The following ENTREP2 variants were observed in gnomAD, a reference collection of about 807,000 sequenced individuals.
ENTREP2 encodes the protein endosomal transmembrane epsin interactor 2.
At chr15:29,192,597 T>A in the ENTREP2 span, among the ~76,000 whole-genome samples, 2 of 152,046 alleles carry the variant, frequency 1.3e-5, no homozygotes, top group African/African-American at 4.8e-5. Context: ...AGATACCAGC[T>A]CTAGTGGAAA....
chr15:29,196,418 C>A, the ENTREP2 span: 1 of 1,549,642 alleles, frequency 6.5e-7, no homozygotes, highest in Non-Finnish European at 8.7e-7. Flanking sequence ...AAGCAGCGCC[C>A]AGCGGGGTCA....
At chr15:29,268,825 C>T in the ENTREP2 span, 1 of 1,613,726 alleles carries the variant, frequency 6.2e-7, no homozygotes. Flanking sequence ...AGGCTGAGGT[C>T]TGGCCCTGTT....
the ENTREP2 span, among the ~76,000 whole-genome samples, chr15:29,319,743 C>T: frequency 6.6e-6 from 1 of 152,200 alleles, no homozygotes; most frequent in African/African-American, 2.4e-5. Context: ...TGGGAATGCA[C>T]AGGGTCCCGG....
chr15:29,517,158 G>A, the ENTREP2 span, among the ~76,000 whole-genome samples: 1 of 152,096 alleles, frequency 6.6e-6, no homozygotes, highest in Non-Finnish European at 1.5e-5. Context: ...AAGCGGGGGA[G>A]CAGCGGAGAG....
the ENTREP2 span, among the ~76,000 whole-genome samples, chr15:29,245,057 A>G: frequency 1.3e-5 from 2 of 152,346 alleles, no homozygotes; most frequent in African/African-American, 4.8e-5. Context: ...AAGAAAATGT[A>G]ATCATTTCCT....
chr15:29,226,990 A>G, the ENTREP2 span, among the ~76,000 whole-genome samples: 1 of 152,218 alleles, frequency 6.6e-6, no homozygotes, highest in East Asian at 1.9e-4. Context: ...TGTCACACAC[A>G]GAGAGAGCAG....
At chr15:29,284,010 G>A in the ENTREP2 span, among the ~76,000 whole-genome samples, 1 of 152,156 alleles carries the variant, frequency 6.6e-6, no homozygotes, top group Non-Finnish European at 1.5e-5. Flanking sequence ...AGAATCACGA[G>A]TTAAGGATCA....
chr15:29,305,500 G>A, the ENTREP2 span, among the ~76,000 whole-genome samples: 1 of 152,248 alleles, frequency 6.6e-6, no homozygotes, highest in Non-Finnish European at 1.5e-5. Flanking sequence ...TGTGCTGGAG[G>A]TGATGAGAAG....
the ENTREP2 span, among the ~76,000 whole-genome samples, chr15:29,443,420 G>C: frequency 6.6e-6 from 1 of 152,250 alleles, no homozygotes; most frequent in Non-Finnish European, 1.5e-5. Flanking sequence ...GCCCTACCTT[G>C]GGGATGAGTA....
chr15:29,365,925 C>T, the ENTREP2 span, among the ~76,000 whole-genome samples: 1 of 152,122 alleles, frequency 6.6e-6, no homozygotes, highest in Admixed American at 6.6e-5. Flanking sequence ...TGCAGCAGAA[C>T]CCAGCATTCA....
the ENTREP2 span, chr15:29,265,144 A>G: frequency 6.6e-6 from 1 of 152,216 alleles, no homozygotes; most frequent in Non-Finnish European, 1.5e-5. Context: ...TTATAGGGGA[A>G]AAAAACTCTT....
the ENTREP2 span, among the ~76,000 whole-genome samples, chr15:29,665,277 T>A: frequency 3.3e-5 from 5 of 152,176 alleles, no homozygotes; most frequent in Non-Finnish European, 7.3e-5. Context: ...AAAAAAAAAA[T>A]TCACCATAGG....
chr15:29,666,893 G>A, the ENTREP2 span, among the ~76,000 whole-genome samples: 1 of 152,232 alleles, frequency 6.6e-6, no homozygotes, highest in African/African-American at 2.4e-5. Context: ...AAAGCTCTGA[G>A]AAAGAATCTA....
At chr15:29,665,137 G>A in the ENTREP2 span, among the ~76,000 whole-genome samples, 97 of 152,342 alleles carry the variant, frequency 6.4e-4, no homozygotes, top group African/African-American at 1.8e-3. Context: ...CCCAGCCAGA[G>A]ACCTCTGCAG....
the ENTREP2 span, among the ~76,000 whole-genome samples, chr15:29,147,647 T>C: frequency 1.3e-5 from 2 of 152,206 alleles, no homozygotes; most frequent in Non-Finnish European, 2.9e-5. Context: ...AAAAGAAAGA[T>C]CATAAATGTT....
the ENTREP2 span, among the ~76,000 whole-genome samples, chr15:29,670,837 G>T: frequency 1.4e-4 from 22 of 152,304 alleles, no homozygotes; most frequent in African/African-American, 4.8e-4. Flanking sequence ...TTTGGTCCTT[G>T]TCTCTGTTCC....
chr15:29,196,465 G>GCAGCGGGTTCAGCTT, the ENTREP2 span: 4 of 1,551,600 alleles, frequency 2.6e-6, no homozygotes, highest in African/African-American at 5.5e-5. Flanking sequence ...CAGTTCTCCT[G>GCAGCGGGTTCAGCTT]CAGCGGGTTC....
chr15:29,624,455 T>C, the ENTREP2 span, among the ~76,000 whole-genome samples: 3 of 152,190 alleles, frequency 2.0e-5, no homozygotes, highest in Admixed American at 2.0e-4. Context: ...GTGCTATGTT[T>C]AAAGCAATAT....
At chr15:29,515,540 A>G in the ENTREP2 span, among the ~76,000 whole-genome samples, 1 of 152,312 alleles carries the variant, frequency 6.6e-6, no homozygotes, top group East Asian at 1.9e-4. Context: ...TAAAGTTACC[A>G]TCACAAACCA....
Sources: gnomAD v4.1 joint callset for allele counts (sites outside exome capture counted in the v4.1 genomes callset) on GRCh38, gnomAD v4.1.1 for gene constraint, MANE v1.5 for transcripts, NCBI Gene and HGNC (gene_info 2026-07-23, HGNC 2026-07-21) for gene names.